MEGF10: variants seen among roughly 807,000 people sequenced by gnomAD.
MEGF10 encodes multiple epidermal growth factor-like domains protein 10.
In MEGF10, 86 loss-of-function variants were observed where a neutral mutation model predicts 147.5. The ratio of observed to expected loss-of-function variants is 0.58; its 90% CI spans 0.49 to 0.70. The LOEUF (loss-of-function observed/expected upper bound fraction) is 0.70. MEGF10 is among the 30% of genes least tolerant of loss of function. The pLI is 0.00. For missense variants in MEGF10, 1,329 were observed against 1,487.3 expected, an observed-to-expected ratio of 0.89 and a Z score of 1.75; for synonymous variants, 478 against 525.5, an observed-to-expected ratio of 0.91 and a Z score of 1.24.
At position 127,392,648 on chromosome 5, in the gene MEGF10, T is replaced by C. The variant is rs539393240; in HGVS notation, c.413-3884T>C. Reference sequence around the variant, plus strand: ...TGATACATGACAGGTACTTAAAAAATATCACTTGAATGAACTTCAGTACCC... The same window carrying C: ...TGATACATGACAGGTACTTAAAAAACATCACTTGAATGAACTTCAGTACCC... On this transcript the variant is annotated intron_variant, in intron 5 of 24. Coordinates refer to ENST00000503335, the MANE Select transcript of MEGF10 (RefSeq NM_001256545.2). Among the ~76,000 whole-genome samples, 337 of 152,292 alleles carry C rather than the reference T, an allele frequency of 2.2e-3. 1 individual carries two copies. Among genetic ancestry groups the C allele is most frequent in the African/African-American group, 7.7e-3 (321 of 41,562 alleles).
intron 11 of MEGF10, among the ~76,000 whole-genome samples, chr5:127,419,585 G>T (rs1247831305): frequency 6.6e-6 from 1 of 152,158 alleles, no homozygotes; most frequent in African/African-American, 2.4e-5. Context: ...GCACTAGAAC[G>T]TGTCCATCCA....
At chr5:127,307,343 G>T (rs1317318856) in intron 1 of MEGF10, among the ~76,000 whole-genome samples, 1 of 152,150 alleles carries the variant, frequency 6.6e-6, no homozygotes, top group African/African-American at 2.4e-5. Flanking sequence ...GGCTGTTGGG[G>T]TGCAGCTGAG....
intron 4 of MEGF10, 119 bp from the exon 5 acceptor site, chr5:127,369,791 T>G: frequency 1.5e-6 from 1 of 682,510 alleles, no homozygotes; most frequent in South Asian, 2.0e-5. Context: ...CTGAAGAAAA[T>G]TATCAAGCAT....
intron 1 of MEGF10, among the ~76,000 whole-genome samples, chr5:127,306,364 G>A (rs1760011985): frequency 1.3e-5 from 2 of 152,130 alleles, no homozygotes; most frequent in African/African-American, 2.4e-5. Flanking sequence ...AGTGAAGAAA[G>A]GTCTGTGCAA....
intron 15 of MEGF10, 67 bp downstream of exon 15, chr5:127,434,888 C>T: frequency 6.5e-7 from 1 of 1,545,398 alleles, no homozygotes; most frequent in Non-Finnish European, 8.7e-7. Context: ...TGTCCTCAGG[C>T]CTCCCCTTGG....
chr5:127,313,045 T>C (rs536920931), intron 1 of MEGF10, among the ~76,000 whole-genome samples: 1 of 152,292 alleles, frequency 6.6e-6, no homozygotes, highest in Admixed American at 6.5e-5. Flanking sequence ...AATCTAAGAA[T>C]TTAATGACTT....
At chr5:127,456,423 TTC>T (rs1047502744) in intron 24 of MEGF10, among the ~76,000 whole-genome samples, 8 of 150,640 alleles carry the variant, frequency 5.3e-5, no homozygotes, top group Non-Finnish European at 4.4e-5. Context: ...ATATTTTCAT[TTC>T]TCTCTCTCTC....
At chr5:127,428,251 CT>C (rs1405618927) in intron 13 of MEGF10, among the ~76,000 whole-genome samples, 1 of 135,342 alleles carries the variant, frequency 7.4e-6, no homozygotes, top group Non-Finnish European at 1.5e-5. Flanking sequence ...AAAGCAGATT[CT>C]TTTTTACTGG....
chr5:127,304,528 C>G (rs908498151), intron 1 of MEGF10, among the ~76,000 whole-genome samples: 5 of 152,202 alleles, frequency 3.3e-5, no homozygotes, highest in Non-Finnish European at 5.9e-5. Context: ...AAGTCTCCCT[C>G]TGTCGCTCAG....
intron 4 of MEGF10, among the ~76,000 whole-genome samples, chr5:127,353,681 A>G (rs557122947): frequency 6.6e-6 from 1 of 152,312 alleles, no homozygotes; most frequent in East Asian, 1.9e-4. Context: ...CTCCTGCTGG[A>G]TACTGCTGTA....
chr5:127,405,252 C>T (rs246890), intron 8 of MEGF10, among the ~76,000 whole-genome samples: 150,810 of 152,212 alleles, frequency 0.99, 74,709 homozygotes, highest in Middle Eastern at 1. Flanking sequence ...CAACTTTTTT[C>T]CCCTTATTTT....
At chr5:127,420,303 C>T in intron 12 of MEGF10, 96 bp downstream of exon 12, 1 of 1,364,136 alleles carries the variant, frequency 7.3e-7, no homozygotes, top group Non-Finnish European at 9.9e-7. Flanking sequence ...TCAAGTGGCT[C>T]ACTGTGAACC....
rs1367177594 is a variant in MEGF10, at chr5:127,459,018, C to A, written c.*1700C>A. 2 of 152,134 alleles carry A rather than the reference C, an allele frequency of 1.3e-5. No homozygotes were observed. The highest frequency in any genetic ancestry group is 4.8e-5 in the African/African-American group (2 of 41,422). The allele number at this position is 152,134 out of a possible 1,614,324, so 9.4% of individuals were successfully genotyped here. On this transcript the variant is annotated 3_prime_UTR_variant, in exon 25 of 25. Coordinates refer to ENST00000503335, the MANE Select transcript of MEGF10 (RefSeq NM_001256545.2). ...TGATCTACTTGACCAAGCAAAGGGG[C>A]TGAAAAACTGAATAAGGAAACAACT...
At chr5:127,385,997 A>G (rs1463954649) in intron 5 of MEGF10, among the ~76,000 whole-genome samples, 1 of 152,058 alleles carries the variant, frequency 6.6e-6, no homozygotes, top group Non-Finnish European at 1.5e-5. Flanking sequence ...AGTTCTAGCT[A>G]CTCTAGAGGC....
intron 1 of MEGF10, among the ~76,000 whole-genome samples, chr5:127,294,021 A>G (rs894796912): frequency 2.0e-5 from 3 of 152,292 alleles, no homozygotes; most frequent in Non-Finnish European, 1.5e-5. Context: ...TCACTCTTCC[A>G]TGACCCAGCT....
At chr5:127,394,830 T>A (rs1763837321) in intron 5 of MEGF10, among the ~76,000 whole-genome samples, 1 of 152,212 alleles carries the variant, frequency 6.6e-6, no homozygotes, top group Non-Finnish European at 1.5e-5. Flanking sequence ...AATAATTCTC[T>A]CTCATTGTTT....
In MEGF10 at chr5:127,340,584, G is replaced by C. The variant is rs371481978; in HGVS notation, c.273G>C (p.Lys91Asn). ...GGGAGAAGACTATGTATAGGCGCAA[G>C]TCTCAGTGTTGTCCTGGATTTTATG... The part of the protein sequence containing the change: ...RHGEKTMYRR[K>N]SQCCPGFYES... The change falls in exon 4 of 25, where the codon AAG becomes AAC. Residue 91 changes from lysine to asparagine, a missense_variant. Around this residue, in one of 3 missense-constraint regions of MEGF10, gnomAD observed 980 missense variants for 1,085.9 expected, o/e 0.90. Coordinates refer to ENST00000503335, the MANE Select transcript of MEGF10 (RefSeq NM_001256545.2). 5.0e-5 allele frequency: 80 copies of C among 1,612,886 alleles called. No homozygotes were observed. The highest frequency in any genetic ancestry group is 6.8e-5 in the Non-Finnish European group (80 of 1,179,200).
intron 1 of MEGF10, among the ~76,000 whole-genome samples, chr5:127,324,902 C>G (rs1760946299): frequency 1.3e-5 from 2 of 152,192 alleles, no homozygotes; most frequent in African/African-American, 4.8e-5. Flanking sequence ...TGTGGCCCCT[C>G]CTTGAGTTTT....
At chr5:127,385,472 CATGTTGGCG>C (rs1330143752) in intron 5 of MEGF10, among the ~76,000 whole-genome samples, 4 of 152,100 alleles carry the variant, frequency 2.6e-5, no homozygotes, top group African/African-American at 9.7e-5. Context: ...GGGGTTTCGC[CATGTTGGCG>C]AGGCTGGTCT....
Sources: allele counts gnomAD v4.1 joint callset (sites outside exome capture counted in the v4.1 genomes callset), GRCh38; gene constraint gnomAD v4.1.1; regional missense constraint gnomAD v4.1.1; transcripts MANE v1.5; gene names NCBI Gene and HGNC (gene_info 2026-07-23, HGNC 2026-07-21).